Variants in CCDC186 observed in about 807,000 individuals in gnomAD.
CCDC186 encodes the protein coiled-coil domain containing 186.
Under a neutral mutation model 113.7 loss-of-function variants are expected in CCDC186, and 49 were observed. The ratio of observed to expected loss-of-function variants is 0.43; its 90% CI spans 0.34 to 0.55. The LOEUF (loss-of-function observed/expected upper bound fraction) is 0.55, where lower values mean the gene tolerates loss of function less well. Among genes scored for constraint, CCDC186 ranks in the 20% least tolerant of loss-of-function variants. CCDC186 has a pLI of 0.02. For missense variants in CCDC186, 890 were observed against 1,011.1 expected, an observed-to-expected ratio of 0.88 and a Z score of 1.62; for synonymous variants, 355 against 345.8, an observed-to-expected ratio of 1.03 and a Z score of -0.30.
chr10:114,156,290 G>C (rs989899194), intron 3 of CCDC186, among the ~76,000 whole-genome samples: 6 of 152,178 alleles, frequency 3.9e-5, no homozygotes, highest in African/African-American at 7.2e-5. Flanking sequence ...TGAAAGATGA[G>C]ACAAAATACT....
At position 114,135,982 on chromosome 10, in the gene CCDC186, A is replaced by T. The variant is rs772126305; in HGVS notation, c.1426-5T>A. 2.5e-6 allele frequency: 4 copies of T among 1,603,914 alleles called. No homozygotes were observed. The highest frequency in any genetic ancestry group is 2.2e-5 in the East Asian group (1 of 44,702). On this transcript the variant is annotated splice_polypyrimidine_tract_variant and splice_region_variant and intron_variant, in intron 8 of 15. Transcript: ENST00000369287. ...CTTTATTTTGGCATGATGCATCTTT[A>T]AAAAAGTTTAAAAGAAACAACAAAT...
At chr10:114,146,576 A>G (rs1203106572) in intron 4 of CCDC186, among the ~76,000 whole-genome samples, 2 of 152,238 alleles carry the variant, frequency 1.3e-5, no homozygotes, top group African/African-American at 4.8e-5. Flanking sequence ...TATGAAAACT[A>G]TATACTCATT....
At chr10:114,131,019 T>C in intron 12 of CCDC186, 128 bp downstream of exon 12, 2 of 721,058 alleles carry the variant, frequency 2.8e-6, no homozygotes, top group Non-Finnish European at 2.0e-6. Context: ...AGTTTAACAA[T>C]TTGGTTTACT....
chr10:114,162,782 A>G lies in CCDC186; in HGVS notation c.487T>C (p.Leu163=), dbSNP rs1268696607. ...AAGAGCTCAGATTCTATTTCTTCCA[A>G]CAAATCCTCTGATGCTGAAACGCTC... The part of the protein sequence containing the change: ...IKSVSASEDL[L]EEIESELLST... The change falls in exon 2 of 16, where the codon TTG becomes CTG. Residue 163 remains leucine (L), a synonymous_variant. Transcript: ENST00000369287. 1 of 1,613,824 alleles carries G rather than the reference A, an allele frequency of 6.2e-7. No homozygotes were observed. Among genetic ancestry groups the G allele is most frequent in the African/African-American group, 1.3e-5 (1 of 74,908 alleles).
chr10:114,150,127 C>T (rs190514318), intron 4 of CCDC186, among the ~76,000 whole-genome samples: 2 of 152,122 alleles, frequency 1.3e-5, no homozygotes, highest in African/African-American at 4.8e-5. Flanking sequence ...GTAGCAGCTT[C>T]GGGGTAGAAA....
At chr10:114,132,732 G>A (rs887067050) in intron 10 of CCDC186, among the ~76,000 whole-genome samples, 1 of 152,196 alleles carries the variant, frequency 6.6e-6, no homozygotes, top group African/African-American at 2.4e-5. Context: ...CAAAGCAGGA[G>A]TTACTGGAGA....
At chr10:114,172,265 C>T (rs142978923) in intron 1 of CCDC186, among the ~76,000 whole-genome samples, 42 of 152,308 alleles carry the variant, frequency 2.8e-4, no homozygotes, top group Non-Finnish European at 2.9e-4. Flanking sequence ...AATAAAGCTG[C>T]TTTGTGCTTC....
At chr10:114,137,136 C>T (rs1239612463) in intron 7 of CCDC186, 50 bp downstream of exon 7, 1 of 1,390,098 alleles carries the variant, frequency 7.2e-7, no homozygotes, top group Non-Finnish European at 1.0e-6. Flanking sequence ...AAAGAGAGAA[C>T]TGATATTTGC....
Position 114,120,866 on chromosome 10 carries a change from T to A in CCDC186, c.*4277A>T, listed in dbSNP as rs955503494. ...AAGATGCCATCAAACTACAAGTTGG[T>A]AAATAGGCATTACCTATTTAATAAG... is the stretch of plus-strand genomic sequence containing the variant. On this transcript the variant is annotated 3_prime_UTR_variant, in exon 16 of 16. Coordinates refer to ENST00000369287, the MANE Select transcript of CCDC186 (RefSeq NM_018017.4). 1 of 152,218 alleles carries A rather than the reference T, an allele frequency of 6.6e-6. No individual in the cohort carries two copies. The highest frequency in any genetic ancestry group is 1.5e-5 in the Non-Finnish European group (1 of 68,034). The allele number at this position is 152,218 out of a possible 1,614,324, so 9.4% of individuals were successfully genotyped here. A position where few individuals can be genotyped will look rare whatever the true frequency, so the allele number is the denominator to read the frequency against.
rs576242481 is a variant in CCDC186, at chr10:114,120,895, A to C, written c.*4248T>G. On this transcript the variant is annotated 3_prime_UTR_variant, in exon 16 of 16. Coordinates refer to ENST00000369287, the MANE Select transcript of CCDC186 (RefSeq NM_018017.4). ...TAGGCATTACCTATTTAATAAGTAC[A>C]ATATATACATAGAATCCTCTTGAAA... The C allele has an allele frequency of 6.6e-6, 1 of 152,328 alleles. No individual in the cohort carries two copies. Among genetic ancestry groups the C allele is most frequent in the East Asian group, 1.9e-4 (1 of 5,186 alleles). 9.4% of individuals were successfully genotyped at this position (152,328 alleles called of 1,614,324 possible). A position where few individuals can be genotyped will look rare whatever the true frequency, so the allele number is the denominator to read the frequency against.
intron 4 of CCDC186, among the ~76,000 whole-genome samples, chr10:114,146,075 A>G (rs1387006446): frequency 6.6e-6 from 1 of 152,200 alleles, no homozygotes; most frequent in African/African-American, 2.4e-5. Context: ...TCCCAGGAAC[A>G]TGATGACATC....
rs2032233696 is a variant in CCDC186, at chr10:114,163,233, A to T, written c.36T>A (p.Ser12=). Residue 12 remains serine, a synonymous_variant, in exon 2 of 16, where the codon TCT becomes TCA. Transcript: ENST00000369287. ...CAGGTGTTTTCCCAACATTTTTATCAGAGGAAGTAGAGGCTATGTGGTCTG... is the reference window on the plus strand; with the variant it reads ...CAGGTGTTTTCCCAACATTTTTATCTGAGGAAGTAGAGGCTATGTGGTCTG... ...SETDHIASTS[S]DKNVGKTPEL... 1.2e-6 allele frequency: 2 copies of T among 1,612,784 alleles called. No homozygotes were observed. Among genetic ancestry groups the T allele is most frequent in the South Asian group, 2.2e-5 (2 of 91,088 alleles).
chr10:114,154,833 A>T (rs1304916046), intron 3 of CCDC186, among the ~76,000 whole-genome samples: 2 of 152,230 alleles, frequency 1.3e-5, no homozygotes, highest in Non-Finnish European at 2.9e-5. Context: ...ATGTCCATCA[A>T]CTGATGAAGG....
At chr10:114,144,155 C>G (rs911467898) in intron 6 of CCDC186, among the ~76,000 whole-genome samples, 1 of 151,948 alleles carries the variant, frequency 6.6e-6, no homozygotes, top group African/African-American at 2.4e-5. Context: ...CTCCCCCGTC[C>G]AATTTCTCAG....
Position 114,145,607 on chromosome 10 carries a change from T to C in CCDC186, c.1043A>G (p.Asn348Ser). 6.2e-7 allele frequency: 1 copy of C among 1,613,040 alleles called. No homozygotes were observed. Among genetic ancestry groups the C allele is most frequent in the East Asian group, 2.2e-5 (1 of 44,832 alleles). ...CTCCTGAGAAAGCTGCTTAATTTTG[T>C]TAGTGTTTTTCTCAAGTTCCTTATT... is the stretch of plus-strand genomic sequence containing the variant. ...DANKELEKNT[N>S]KIKQLSQEKG... The change falls in exon 5 of 16, where the codon AAC (asparagine) becomes AGC (serine). Residue 348 changes from asparagine to serine, a missense_variant. Asn to Ser is a conservative substitution (Grantham distance 46). Transcript: ENST00000369287.
rs936299912 is a variant in CCDC186 at position 114,122,367 on chromosome 10, A to T, written c.*2776T>A. On this transcript the variant is annotated 3_prime_UTR_variant, in exon 16 of 16. Transcript: ENST00000369287. ...AGTTCAAATTCATTCTTCTGCCCAA[A>T]CCTACCATTTTCAGTCCTTAAAACT... 1 of 152,186 alleles carries T rather than the reference A, an allele frequency of 6.6e-6. No individual in the cohort carries two copies. Among genetic ancestry groups the T allele is most frequent in the African/African-American group, 2.4e-5 (1 of 41,428 alleles). The allele number at this position is 152,186 out of a possible 1,614,324, so 9.4% of individuals were successfully genotyped here.
rs60257583 is a variant in CCDC186, at chr10:114,167,799, TAAAAAAAAAAAAAAAAAAA to T, written c.-61-4489_-61-4471del. Among the ~76,000 whole-genome samples, 206 of 71,304 alleles carry T rather than the reference TAAAAAAAAAAAAAAAAAAA, an allele frequency of 2.9e-3. 1 individual carries two copies. The highest frequency in any genetic ancestry group is 0.011 in the African/African-American group (193 of 17,004). 46.8% of individuals were successfully genotyped at this position (71,304 alleles called of 152,430 possible). A position where few individuals can be genotyped will look rare whatever the true frequency, so the allele number is the denominator to read the frequency against. On this transcript the variant is annotated intron_variant, in intron 1 of 15. Coordinates refer to ENST00000369287, the MANE Select transcript of CCDC186 (RefSeq NM_018017.4). ...GCAACATAACAAGACCTAATCTCCG[TAAAAAAAAAAAAAAAAAAA>T]AAAAAAAAATTGTTAAAGTTAGCTG...
At chr10:114,167,463 G>A (rs2032368649) in intron 1 of CCDC186, among the ~76,000 whole-genome samples, 1 of 152,116 alleles carries the variant, frequency 6.6e-6, no homozygotes, top group South Asian at 2.1e-4. Context: ...CAATTAACCA[G>A]AAGAAAAACA....
chr10:114,135,946 T>C lies in CCDC186; in HGVS notation c.1457A>G (p.Asp486Gly). The C allele has an allele frequency of 6.2e-7, 1 of 1,613,284 alleles. No individual in the cohort carries two copies. Among genetic ancestry groups the C allele is most frequent in the Non-Finnish European group, 8.5e-7 (1 of 1,179,586 alleles). The stretch of plus-strand genomic sequence containing the variant: ...ACCCTCCTTAAATGTTCTCTTCAGA[T>C]CTTCTAGTTCCTTTATTTTGGCATG... Reference protein sequence around the residue: ...MHHAKIKELEDLKRTFKEGMD... With the variant: ...MHHAKIKELEGLKRTFKEGMD... Residue 486 changes from aspartate (D) to glycine (G), a missense_variant, in exon 9 of 16, where the codon GAT becomes GGT. By Grantham distance (94) the Asp-to-Gly change is moderately conservative (BLOSUM62 -1). Transcript: ENST00000369287.
Sources: allele counts gnomAD v4.1 joint callset (sites outside exome capture counted in the v4.1 genomes callset), GRCh38; gene constraint gnomAD v4.1.1; transcripts MANE v1.5; gene names NCBI Gene and HGNC (gene_info 2026-07-23, HGNC 2026-07-21).